ZSCAN23: variants seen among roughly 807,000 people sequenced by gnomAD.
ZSCAN23 encodes the protein zinc finger and SCAN domain-containing protein 23.
A neutral mutation model predicts 19.3 loss-of-function variants in ZSCAN23; 19 were observed. That is an observed-to-expected ratio of 0.99 (90% CI 0.69 to 1.45). ZSCAN23 has a LOEUF of 1.45. ZSCAN23 is among the 40% of genes most tolerant of loss of function. The probability of loss-of-function intolerance (pLI) is 0.00; values close to 1 mark genes in which losing one functional copy is unlikely to be tolerated. For missense variants in ZSCAN23, 372 were observed against 462.5 expected, an observed-to-expected ratio of 0.80 and a Z score of 1.79; for synonymous variants, 140 against 166.2, an observed-to-expected ratio of 0.84 and a Z score of 1.21.
chr6:28,434,964 G>A lies in ZSCAN23; in HGVS notation c.671C>T (p.Pro224Leu), dbSNP rs1005844597. Residue 224 changes from proline to leucine, a missense_variant, in exon 4 of 4, where the codon CCT becomes CTT. Physicochemically the swap from Pro to Leu is moderately conservative, Grantham distance 98 (BLOSUM62 -3). Coordinates refer to ENST00000289788, the MANE Select transcript of ZSCAN23 (RefSeq NM_001012455.2). ...ACGGTCACAGGTATCTCCATACTCAGGAATCTGAGTAATATTACCATTCTG... is the reference window on the plus strand; with the variant it reads ...ACGGTCACAGGTATCTCCATACTCAAGAATCTGAGTAATATTACCATTCTG... ...GKQNGNITQI[P>L]EYGDTCDREG... 12 of 1,551,654 alleles carry A rather than the reference G, an allele frequency of 7.7e-6. No individual in the cohort carries two copies. The African/African-American group carries it at 1.5e-4, about 19-fold the overall frequency.
At chr6:28,442,215 T>G (rs1464653618) in intron 1 of ZSCAN23, among the ~76,000 whole-genome samples, 4 of 152,156 alleles carry the variant, frequency 2.6e-5, no homozygotes, top group African/African-American at 9.7e-5. Flanking sequence ...GGCAAGTTAG[T>G]TGATTTTTCT....
At chr6:28,428,316 T>C (rs184492937), downstream of ZSCAN23, among the ~76,000 whole-genome samples, 5 of 152,340 alleles carry the variant, frequency 3.3e-5, no homozygotes, top group Admixed American at 2.6e-4. Context: ...CATTTTCCCC[T>C]TGTGACCAAT....
chr6:28,427,686 G>A (rs972751912), downstream of ZSCAN23, among the ~76,000 whole-genome samples: 9 of 152,090 alleles, frequency 5.9e-5, no homozygotes, highest in African/African-American at 1.2e-4. Context: ...CTGAAACATC[G>A]CTATATGGCA....
the ZSCAN23 span, among the ~76,000 whole-genome samples, chr6:28,422,376 G>A: frequency 6.6e-6 from 1 of 152,024 alleles, no homozygotes; most frequent in African/African-American, 2.4e-5. This position sits in a 1 kb window ranked among gnomAD's most constrained non-coding sequence, Gnocchi z 4.0. Flanking sequence ...CTACATATAG[G>A]TATTATATGT....
intron 3 of ZSCAN23, among the ~76,000 whole-genome samples, 164 bp from the exon 4 acceptor site, chr6:28,435,242 G>C (rs1389644589): frequency 1.3e-5 from 2 of 152,166 alleles, no homozygotes; most frequent in African/African-American, 2.4e-5. Flanking sequence ...CCAGACCTCA[G>C]GGAAAAGATG....
chr6:28,440,776 A>T (rs1761983869), intron 1 of ZSCAN23, among the ~76,000 whole-genome samples: 2 of 152,200 alleles, frequency 1.3e-5, no homozygotes, highest in Admixed American at 1.3e-4. Flanking sequence ...TCAAATCTTT[A>T]TACAGTTTCC....
chr6:28,422,106 T>A, the ZSCAN23 span, among the ~76,000 whole-genome samples: 1 of 152,098 alleles, frequency 6.6e-6, no homozygotes, highest in African/African-American at 2.4e-5. The surrounding 1 kb of genome is among the most constrained non-coding windows in gnomAD (Gnocchi z 4.0). Flanking sequence ...AGTAGAGTTG[T>A]AAGTGAAACA....
chr6:28,429,352 C>T (rs1761711712), downstream of ZSCAN23, among the ~76,000 whole-genome samples: 1 of 152,070 alleles, frequency 6.6e-6, no homozygotes, highest in Non-Finnish European at 1.5e-5. Context: ...GTTTTCTTAC[C>T]CAGAGAAATT....
chr6:28,434,144 C>T lies in ZSCAN23; in HGVS notation c.*321G>A. 1 of 208,932 alleles carries T rather than the reference C, an allele frequency of 4.8e-6. No individual in the cohort carries two copies. Among genetic ancestry groups the T allele is most frequent in the East Asian group, 1.1e-4 (1 of 9,396 alleles). The allele number at this position is 208,932 out of a possible 1,614,324, so 12.9% of individuals were successfully genotyped here. On this transcript the variant is annotated 3_prime_UTR_variant, in exon 4 of 4. Transcript: ENST00000289788. ...TTGAGATTATTTTGTACTCAGCCTACATATAACTATTTTAAACTTTTAAAA... is the reference window on the plus strand; with the variant it reads ...TTGAGATTATTTTGTACTCAGCCTATATATAACTATTTTAAACTTTTAAAA...
intron 1 of ZSCAN23, among the ~76,000 whole-genome samples, chr6:28,440,499 AG>A (rs993514676): frequency 3.3e-5 from 5 of 152,198 alleles, no homozygotes. Context: ...AATTGGTTCT[AG>A]GGTAAGAAAG....
At chr6:28,423,798 T>C in the ZSCAN23 span, among the ~76,000 whole-genome samples, 1 of 152,152 alleles carries the variant, frequency 6.6e-6, no homozygotes, top group Non-Finnish European at 1.5e-5. Context: ...CACATCATTG[T>C]TGAGATCAGC....
At chr6:28,435,279 T>C (rs1047597599) in intron 3 of ZSCAN23, among the ~76,000 whole-genome samples, 181 bp downstream of exon 3, 1 of 152,220 alleles carries the variant, frequency 6.6e-6, no homozygotes, top group African/African-American at 2.4e-5. Context: ...CTTACTTAAT[T>C]GTCTGCCTCT....
In ZSCAN23 at chr6:28,439,820, A is replaced by G. The variant is rs145878597; in HGVS notation, c.-77-3477T>C. The stretch of plus-strand genomic sequence containing the variant: ...GTCAGTTACAGATAGTAAGCAGTGA[A>G]GCTGCAATTCAAACCCAACAAATCT... On this transcript the variant is annotated intron_variant, in intron 1 of 3. Coordinates refer to ENST00000289788, the MANE Select transcript of ZSCAN23 (RefSeq NM_001012455.2). Among the ~76,000 whole-genome samples the G allele has an allele frequency of 3.3e-3, 500 of 152,352 alleles. 1 individual carries two copies. The highest frequency in any genetic ancestry group is 4.8e-3 in the Non-Finnish European group (326 of 68,040).
In ZSCAN23 at chr6:28,433,178, C is replaced by T. The variant is rs183214991; in HGVS notation, c.*1287G>A. ...CATATAAATGGGTGGGTTTGTTGAGCAACTTCAGTGACTTATAAATCCTAT... is the reference window on the plus strand; with the variant it reads ...CATATAAATGGGTGGGTTTGTTGAGTAACTTCAGTGACTTATAAATCCTAT... On this transcript the variant is annotated 3_prime_UTR_variant, in exon 4 of 4. Coordinates refer to ENST00000289788, the MANE Select transcript of ZSCAN23 (RefSeq NM_001012455.2). 20 of 152,166 alleles carry T rather than the reference C, an allele frequency of 1.3e-4. No individual in the cohort carries two copies. Among genetic ancestry groups the T allele is most frequent in the South Asian group, 2.1e-4 (1 of 4,824 alleles). The allele number at this position is 152,166 out of a possible 1,614,324, so 9.4% of individuals were successfully genotyped here.
At chr6:28,441,449 C>A (rs541724163) in intron 1 of ZSCAN23, among the ~76,000 whole-genome samples, 5 of 152,224 alleles carry the variant, frequency 3.3e-5, no homozygotes, top group African/African-American at 1.2e-4. Flanking sequence ...CTTGGTCTTG[C>A]CTTCTTCCCT....
intron 1 of ZSCAN23, among the ~76,000 whole-genome samples, chr6:28,441,306 C>T (rs1581809168): frequency 6.6e-6 from 1 of 152,296 alleles, no homozygotes; most frequent in African/African-American, 2.4e-5. Context: ...AGTTTAAAAC[C>T]AGTCAGACCT....
At chr6:28,427,352 A>C (rs1761677528), downstream of ZSCAN23, among the ~76,000 whole-genome samples, 1 of 152,244 alleles carries the variant, frequency 6.6e-6, no homozygotes, top group African/African-American at 2.4e-5. Context: ...GGCACTCAGG[A>C]AGAACAGTTA....
intron 3 of ZSCAN23, 87 bp from the exon 4 acceptor site, chr6:28,435,165 G>T: frequency 7.1e-7 from 1 of 1,410,256 alleles, no homozygotes; most frequent in South Asian, 1.5e-5. Flanking sequence ...AAGTGGCCAG[G>T]AGAATGGGTG....
At position 28,432,726 on chromosome 6, in the gene ZSCAN23, T is replaced by C. The variant is rs2114030615; in HGVS notation, c.*1739A>G. The C allele has an allele frequency of 6.6e-6, 1 of 152,306 alleles. No individual in the cohort carries two copies. Among genetic ancestry groups the C allele is most frequent in the African/African-American group, 2.4e-5 (1 of 41,598 alleles). The allele number at this position is 152,306 out of a possible 1,614,324, so 9.4% of individuals were successfully genotyped here. ...ACTATGGAGTATGAACAAATAAAAT[T>C]CTATTCACTTATAAAAAGAATGAAG... On this transcript the variant is annotated 3_prime_UTR_variant, in exon 4 of 4. Transcript: ENST00000289788.
Sources: gnomAD v4.1 joint callset for allele counts (sites outside exome capture counted in the v4.1 genomes callset) on GRCh38, gnomAD v4.1.1 for gene constraint, Gnocchi (gnomAD v3.1) non-coding constraint, MANE v1.5 for transcripts, NCBI Gene and HGNC (gene_info 2026-07-23, HGNC 2026-07-21) for gene names.